The following CADM2 variants were observed in gnomAD, a reference collection of about 807,000 sequenced individuals.
CADM2 encodes immunoglobulin superfamily member 4D.
In CADM2, 12 loss-of-function variants were observed where a neutral mutation model predicts 49.8. The observed-to-expected ratio is 0.24, with a 90% CI of 0.15 to 0.39. The LOEUF (loss-of-function observed/expected upper bound fraction) is 0.39, where lower values mean the gene tolerates loss of function less well. Among genes scored for constraint, CADM2 ranks in the 10% least tolerant of loss-of-function variants. The pLI is 1.00. For synonymous variants in CADM2, 214 were observed against 175.4 expected (o/e 1.22, Z -1.74); for missense variants, 378 against 492.3 (o/e 0.77, Z 2.20).
At chr3:85,406,209 A>G (rs1248892314) in intron 1 of CADM2, among the ~76,000 whole-genome samples, 1 of 152,068 alleles carries the variant, frequency 6.6e-6, no homozygotes, top group East Asian at 1.9e-4. Context: ...CATCTTCTCA[A>G]TTCCTCTATG....
At chr3:85,842,086 C>T (rs529021059) in intron 3 of CADM2, among the ~76,000 whole-genome samples, 1 of 152,194 alleles carries the variant, frequency 6.6e-6, no homozygotes, top group African/African-American at 2.4e-5. Context: ...TCCAATCCTG[C>T]GGCTGCTGCA....
intron 5 of CADM2, among the ~76,000 whole-genome samples, chr3:85,904,845 C>A (rs746486548): frequency 3.3e-5 from 5 of 152,170 alleles, no homozygotes; most frequent in South Asian, 2.1e-4. Context: ...TCACTTCCTG[C>A]TAATTTTTCA....
chr3:86,041,276 T>C (rs1735881342), intron 8 of CADM2, among the ~76,000 whole-genome samples: 1 of 152,142 alleles, frequency 6.6e-6, no homozygotes, highest in African/African-American at 2.4e-5. Context: ...AATTAAAAGA[T>C]ACAGACTGGC....
At chr3:84,996,550 T>C (rs1002279456) in intron 1 of CADM2, among the ~76,000 whole-genome samples, 1 of 152,124 alleles carries the variant, frequency 6.6e-6, no homozygotes, top group African/African-American at 2.4e-5. Context: ...AAAAATTAGG[T>C]TACTCATTCA....
intron 2 of CADM2, among the ~76,000 whole-genome samples, chr3:85,762,410 T>C (rs917986945): frequency 6.6e-6 from 1 of 152,182 alleles, no homozygotes; most frequent in African/African-American, 2.4e-5. Flanking sequence ...AAATTTGAGA[T>C]ATTTCTCATG....
intron 2 of CADM2, among the ~76,000 whole-genome samples, chr3:85,738,230 C>A (rs1254572244): frequency 6.6e-6 from 1 of 152,100 alleles, no homozygotes; most frequent in Non-Finnish European, 1.5e-5. Context: ...AAATAGAGAG[C>A]AAATATCTGT....
At chr3:85,975,223 T>C (rs958299598) in intron 8 of CADM2, among the ~76,000 whole-genome samples, 2 of 151,404 alleles carry the variant, frequency 1.3e-5, no homozygotes, top group African/African-American at 2.4e-5. Context: ...TATACCATGA[T>C]ATGTGGTATT....
intron 8 of CADM2, among the ~76,000 whole-genome samples, chr3:86,049,060 AC>A (rs1737020868): frequency 6.6e-6 from 1 of 152,066 alleles, no homozygotes; most frequent in African/African-American, 2.4e-5. Context: ...ATTTATAACA[AC>A]AAAAACCTTT....
intron 8 of CADM2, among the ~76,000 whole-genome samples, chr3:86,006,737 G>A (rs975116712): frequency 3.3e-5 from 5 of 152,008 alleles, no homozygotes; most frequent in African/African-American, 4.8e-5. Flanking sequence ...AGAGCACTGG[G>A]TCTTACTAAT....
At chr3:85,546,507 T>A (rs2061672839) in intron 1 of CADM2, among the ~76,000 whole-genome samples, 1 of 152,032 alleles carries the variant, frequency 6.6e-6, no homozygotes, top group Non-Finnish European at 1.5e-5. Flanking sequence ...TAAGATACCC[T>A]AAATATATAT....
intron 3 of CADM2, among the ~76,000 whole-genome samples, chr3:85,823,471 C>T (rs761559699): frequency 6.6e-6 from 1 of 152,072 alleles, no homozygotes; most frequent in Non-Finnish European, 1.5e-5. Context: ...AACCACAAAC[C>T]ACATTACTGA....
chr3:85,149,369 A>G (rs1454695322), intron 1 of CADM2, among the ~76,000 whole-genome samples: 1 of 152,122 alleles, frequency 6.6e-6, no homozygotes, highest in Non-Finnish European at 1.5e-5. Flanking sequence ...GTTCATTATA[A>G]ATTACCCAGT....
intron 3 of CADM2, among the ~76,000 whole-genome samples, chr3:85,839,722 A>G (rs1463780896): frequency 1.3e-5 from 2 of 151,910 alleles, no homozygotes; most frequent in Non-Finnish European, 2.9e-5. Context: ...GGTGAGAAAG[A>G]AAACATCAAA....
At chr3:85,188,626 T>C (rs1041474820) in intron 1 of CADM2, among the ~76,000 whole-genome samples, 2 of 152,254 alleles carry the variant, frequency 1.3e-5, no homozygotes, top group Non-Finnish European at 2.9e-5. Flanking sequence ...TGGGTGTCAA[T>C]CAGTATAACC....
In CADM2 at chr3:85,813,164, C is replaced by T. The variant is rs1276534041; in HGVS notation, c.238+10968C>T. Among the ~76,000 whole-genome samples, 3 of 152,300 alleles carry T rather than the reference C, an allele frequency of 2.0e-5. No individual in the cohort carries two copies. The East Asian group carries it at 5.8e-4, about 29-fold the overall frequency. Reference sequence around the variant, plus strand: ...TGGTTGAACTAATTTACCCTCCCACCAACAGTGTAAAAGCATTCCTATTTC... The same window carrying T: ...TGGTTGAACTAATTTACCCTCCCACTAACAGTGTAAAAGCATTCCTATTTC... On this transcript the variant is annotated intron_variant, in intron 3 of 9. Transcript: ENST00000383699.
intron 1 of CADM2, among the ~76,000 whole-genome samples, chr3:85,395,834 T>C (rs1413050442): frequency 1.3e-5 from 2 of 151,606 alleles, no homozygotes; most frequent in Non-Finnish European, 2.9e-5. Flanking sequence ...CAAGATTGGA[T>C]GTTGTATGCA....
At chr3:85,905,338 C>A (rs1219542755) in intron 5 of CADM2, among the ~76,000 whole-genome samples, 1 of 152,002 alleles carries the variant, frequency 6.6e-6, no homozygotes, top group Non-Finnish European at 1.5e-5. Context: ...TGTATTCTTC[C>A]AATACAGAAA....
At chr3:85,609,729 G>A (rs1339358973) in intron 1 of CADM2, among the ~76,000 whole-genome samples, 2 of 152,090 alleles carry the variant, frequency 1.3e-5, no homozygotes, top group Non-Finnish European at 2.9e-5. Flanking sequence ...TGTCTACACA[G>A]CCAAGGTGTT....
chr3:85,598,033 A>T (rs188227736), intron 1 of CADM2, among the ~76,000 whole-genome samples: 17 of 152,150 alleles, frequency 1.1e-4, no homozygotes, highest in Admixed American at 1.0e-3. Flanking sequence ...ATATAGCTTT[A>T]GATTACATCC....
Sources: allele counts gnomAD v4.1 joint callset (sites outside exome capture counted in the v4.1 genomes callset), GRCh38; gene constraint gnomAD v4.1.1; transcripts MANE v1.5; gene names NCBI Gene and HGNC (gene_info 2026-07-23, HGNC 2026-07-21).